DNAI7: variants seen among roughly 807,000 people sequenced by gnomAD.
DNAI7 encodes dynein axonemal intermediate chain 7.
In DNAI7, 78 loss-of-function variants were observed where a neutral mutation model predicts 86.6. That is an observed-to-expected ratio of 0.90 (90% CI 0.75 to 1.09). The LOEUF (loss-of-function observed/expected upper bound fraction) is 1.09, where lower values mean the gene tolerates loss of function less well. Among genes scored for constraint, DNAI7 ranks in the 50% least tolerant of loss-of-function variants. The probability of loss-of-function intolerance (pLI) is 0.00; values close to 1 mark genes in which losing one functional copy is unlikely to be tolerated. For synonymous variants in DNAI7, 274 were observed against 273.0 expected, an observed-to-expected ratio of 1.00 and a Z score of -0.04; for missense variants, 753 against 810.2, an observed-to-expected ratio of 0.93 and a Z score of 0.86.
intron 9 of DNAI7, among the ~76,000 whole-genome samples, chr12:25,138,245 C>T (rs1943776277): frequency 6.6e-6 from 1 of 152,140 alleles, no homozygotes; most frequent in Non-Finnish European, 1.5e-5. Flanking sequence ...GGGTGGATCA[C>T]CTTAGATCAG....
At chr12:25,164,049 G>A (rs527311453) in intron 2 of DNAI7, among the ~76,000 whole-genome samples, 4 of 152,300 alleles carry the variant, frequency 2.6e-5, no homozygotes, top group Non-Finnish European at 4.4e-5. Flanking sequence ...ATGCAAGGAC[G>A]CCTGCCTTGG....
At chr12:25,171,354 C>A (rs1948110660) in intron 2 of DNAI7, among the ~76,000 whole-genome samples, 1 of 152,038 alleles carries the variant, frequency 6.6e-6, no homozygotes, top group Admixed American at 6.6e-5. Context: ...CCTTTATGCG[C>A]ATAAACTAGA....
At chr12:25,135,041 T>C (rs1352432801) in intron 9 of DNAI7, among the ~76,000 whole-genome samples, 1 of 152,192 alleles carries the variant, frequency 6.6e-6, no homozygotes, top group Non-Finnish European at 1.5e-5. Context: ...CATGAACTTT[T>C]GCTCCAAGAA....
At chr12:25,125,995 G>C (rs73081719) in intron 9 of DNAI7, among the ~76,000 whole-genome samples, 3,088 of 152,196 alleles carry the variant, frequency 0.02, 53 homozygotes, top group South Asian at 0.069. Context: ...CCAGTACCAC[G>C]CTGTTTTGGT....
chr12:25,125,814 A>C (rs1208237612), intron 9 of DNAI7, among the ~76,000 whole-genome samples: 1 of 152,122 alleles, frequency 6.6e-6, no homozygotes, highest in Non-Finnish European at 1.5e-5. Context: ...TACAGTTTCA[A>C]TCTTCTGCAT....
intron 12 of DNAI7, among the ~76,000 whole-genome samples, chr12:25,118,165 T>A (rs868319010): frequency 6.6e-6 from 1 of 152,108 alleles, no homozygotes; most frequent in Non-Finnish European, 1.5e-5. Flanking sequence ...ACTCCTGACC[T>A]CAGGTGATAC....
At chr12:25,154,284 A>T in intron 6 of DNAI7, 35 bp downstream of exon 6, 2 of 1,545,180 alleles carry the variant, frequency 1.3e-6, no homozygotes, top group Non-Finnish European at 1.7e-6. Context: ...ACTATTTGTA[A>T]TAGCCAGTTT....
downstream of DNAI7, chr12:25,107,107 A>C: frequency 1.1e-6 from 1 of 905,798 alleles, no homozygotes; most frequent in Non-Finnish European, 1.7e-6. Context: ...AGGGTGAGGC[A>C]GGGCTGACAG....
intron 2 of DNAI7, among the ~76,000 whole-genome samples, chr12:25,182,076 G>A (rs190767125): frequency 7.4e-4 from 111 of 150,378 alleles, no homozygotes; most frequent in African/African-American, 2.6e-3. Flanking sequence ...GGCTGGGCGC[G>A]GTGGCTCACG....
At chr12:25,141,900 A>G (rs1040179162) in intron 9 of DNAI7, among the ~76,000 whole-genome samples, 21 of 152,162 alleles carry the variant, frequency 1.4e-4, no homozygotes, top group African/African-American at 4.8e-4. Context: ...ATGGGGTGAA[A>G]AGAGAACACT....
chr12:25,150,122 C>A (rs1038714752), intron 6 of DNAI7, among the ~76,000 whole-genome samples: 1 of 152,128 alleles, frequency 6.6e-6, no homozygotes, highest in Non-Finnish European at 1.5e-5. Flanking sequence ...ATTTTTCAAT[C>A]CCCAGTGTAA....
rs554303900 is a variant in DNAI7, at chr12:25,123,159, G to A, written c.1078+52C>T. On this transcript the variant is annotated intron_variant, in intron 10 of 15. Transcript: ENST00000395987. ...TTAACAATGATCCTGTATTTCTTCT[G>A]TAAGAAGAAAATCTCAATAAAGTTA... 7.5e-5 allele frequency: 88 copies of A among 1,175,742 alleles called. No homozygotes were observed. In the African/African-American group the frequency reaches 1.3e-3, roughly 17 times the overall value. The allele number at this position is 1,175,742 out of a possible 1,614,324, so 72.8% of individuals were successfully genotyped here. A position where few individuals can be genotyped will look rare whatever the true frequency, so the allele number is the denominator to read the frequency against.
chr12:25,110,505 C>T (rs1158875679), intron 14 of DNAI7, among the ~76,000 whole-genome samples: 3 of 152,190 alleles, frequency 2.0e-5, no homozygotes, highest in South Asian at 2.1e-4. Context: ...TCTTTTTCTT[C>T]TCCCTTTGCT....
At chr12:25,123,030 G>T (rs1488205946) in intron 10 of DNAI7, among the ~76,000 whole-genome samples, 181 bp downstream of exon 10, 3 of 152,146 alleles carry the variant, frequency 2.0e-5, no homozygotes, top group African/African-American at 7.2e-5. Flanking sequence ...AATTAAGAGA[G>T]ACAGGGATAA....
In DNAI7 at chr12:25,121,742, A is replaced by C. The variant is rs1941331615; in HGVS notation, c.1239+11T>G. The C allele has an allele frequency of 1.9e-6, 3 of 1,587,576 alleles. No individual in the cohort carries two copies. Among genetic ancestry groups the C allele is most frequent in the African/African-American group, 1.4e-5 (1 of 73,322 alleles). On this transcript the variant is annotated intron_variant, in intron 11 of 15. Transcript: ENST00000395987. ...TTTTACTTATAAGTTTTGATTCAAG[A>C]ATCAACCTACTTCCACAATCATCCA...
intron 7 of DNAI7, 40 bp from the exon 8 acceptor site, chr12:25,147,144 C>CTCA (rs1944953646): frequency 2.0e-6 from 2 of 989,112 alleles, no homozygotes; most frequent in African/African-American, 3.2e-5. Context: ...GGCCACAGGC[C>CTCA]TCATAAATTA....
intron 9 of DNAI7, among the ~76,000 whole-genome samples, chr12:25,139,008 G>A (rs1943886954): frequency 6.6e-6 from 1 of 151,874 alleles, no homozygotes; most frequent in African/African-American, 2.4e-5. Flanking sequence ...AACTCAATTA[G>A]AAACAAAATG....
intron 2 of DNAI7, among the ~76,000 whole-genome samples, chr12:25,166,498 C>T (rs1159717171): frequency 1.3e-5 from 2 of 152,190 alleles, no homozygotes; most frequent in African/African-American, 4.8e-5. Flanking sequence ...ATTACCTGGG[C>T]TATACTGCCG....
intron 2 of DNAI7, among the ~76,000 whole-genome samples, chr12:25,169,045 C>T (rs1947826683): frequency 6.6e-6 from 1 of 152,148 alleles, no homozygotes; most frequent in African/African-American, 2.4e-5. Flanking sequence ...AAAAATTTCG[C>T]TGTCCCAAAA....
Sources: gnomAD v4.1 joint callset for allele counts (sites outside exome capture counted in the v4.1 genomes callset) on GRCh38, gnomAD v4.1.1 for gene constraint, MANE v1.5 for transcripts, NCBI Gene and HGNC (gene_info 2026-07-23, HGNC 2026-07-21) for gene names.